Variants in MTSS1 observed in about 807,000 individuals in gnomAD.
The protein encoded by MTSS1 is MTSS I-BAR domain containing 1, also known as protein MTSS 1.
A neutral mutation model predicts 79.0 loss-of-function variants in MTSS1; 18 were observed. That is an observed-to-expected ratio of 0.23 (90% CI 0.16 to 0.34). The LOEUF (loss-of-function observed/expected upper bound fraction) is 0.34. Ranked by LOEUF, MTSS1 falls within the 10% of genes least tolerant of loss-of-function variation. The pLI is 1.00. For synonymous variants in MTSS1, 341 were observed against 368.6 expected (o/e 0.93, Z 0.86); for missense variants, 815 against 986.2 (o/e 0.83, Z 2.33).
chr8:124,559,569 G>C (rs1824829455), intron 10 of MTSS1, among the ~76,000 whole-genome samples: 1 of 152,166 alleles, frequency 6.6e-6, no homozygotes, highest in African/African-American at 2.4e-5. Context: ...ACACTGATCT[G>C]ATGGAACCCC....
chr8:124,670,452 G>A (rs1823939202), intron 3 of MTSS1, among the ~76,000 whole-genome samples: 1 of 148,442 alleles, frequency 6.7e-6, no homozygotes, highest in South Asian at 2.1e-4. Context: ...CACACAGCCT[G>A]GCAGGTATGG....
At chr8:124,726,218 C>T (rs911222624) in intron 1 of MTSS1, among the ~76,000 whole-genome samples, 4 of 152,232 alleles carry the variant, frequency 2.6e-5, no homozygotes, top group Admixed American at 1.3e-4. Context: ...AGGTGGAAAG[C>T]AGGACAGCCC....
intron 3 of MTSS1, among the ~76,000 whole-genome samples, chr8:124,636,163 T>G (rs1367117706): frequency 2.0e-5 from 3 of 152,306 alleles, no homozygotes; most frequent in Non-Finnish European, 2.9e-5. Context: ...GGAGTCTCCC[T>G]CTGTCGCCCA....
rs1312317055 is a variant in MTSS1 at position 124,586,764 on chromosome 8, C to CA, written c.386-1604dup. ...CCACTTAGCAGGTATGCAGGCCGGA[C>CA]AATGGGTCTCAATTCACATTCAGGC... On this transcript the variant is annotated intron_variant, in intron 5 of 13. Coordinates refer to ENST00000518547, the MANE Select transcript of MTSS1 (RefSeq NM_014751.6). 2.0e-5 allele frequency among the ~76,000 whole-genome samples: 3 copies of CA among 152,314 alleles called. No individual in the cohort carries two copies. In the South Asian group the frequency reaches 6.2e-4, roughly 32 times the overall value.
chr8:124,634,590 C>T (rs1816653227), intron 3 of MTSS1, among the ~76,000 whole-genome samples: 1 of 152,166 alleles, frequency 6.6e-6, no homozygotes. Context: ...ATACACTCCT[C>T]ACCCTAAGGG....
intron 1 of MTSS1, among the ~76,000 whole-genome samples, chr8:124,721,602 G>A (rs1832952957): frequency 1.3e-5 from 2 of 151,854 alleles, no homozygotes; most frequent in Non-Finnish European, 2.9e-5. Flanking sequence ...CAGAGATGGG[G>A]TTTCACCATG....
intron 3 of MTSS1, among the ~76,000 whole-genome samples, chr8:124,693,136 G>A (rs1828235109): frequency 6.6e-6 from 1 of 152,114 alleles, no homozygotes. Context: ...GGGAGGGCTG[G>A]AAAGGACATT....
chr8:124,577,890 T>C (rs760146897), intron 6 of MTSS1, among the ~76,000 whole-genome samples: 3 of 152,194 alleles, frequency 2.0e-5, no homozygotes, highest in East Asian at 1.9e-4. Flanking sequence ...GGCAGAGCCA[T>C]TGATCCATTG....
At chr8:124,635,751 C>T (rs1816857231) in intron 3 of MTSS1, among the ~76,000 whole-genome samples, 2 of 152,108 alleles carry the variant, frequency 1.3e-5, no homozygotes, top group African/African-American at 2.4e-5. Flanking sequence ...AGCTGTTATT[C>T]TCTCTGAAGC....
At chr8:124,621,188 A>C (rs182604704) in intron 3 of MTSS1, among the ~76,000 whole-genome samples, 1 of 152,374 alleles carries the variant, frequency 6.6e-6, no homozygotes, top group Non-Finnish European at 1.5e-5. Context: ...TGACCTTTAA[A>C]TGTTGAACCA....
intron 1 of MTSS1, among the ~76,000 whole-genome samples, chr8:124,714,958 C>T (rs1831714837): frequency 6.6e-6 from 1 of 152,230 alleles, no homozygotes; most frequent in South Asian, 2.1e-4. Flanking sequence ...GTCCTCCTAT[C>T]CAGAGGCCAA....
At chr8:124,630,051 G>A (rs1302117297) in intron 3 of MTSS1, among the ~76,000 whole-genome samples, 2 of 152,186 alleles carry the variant, frequency 1.3e-5, no homozygotes, top group African/African-American at 4.8e-5. Flanking sequence ...TACTTCACCT[G>A]CTCCATGGAA....
intron 3 of MTSS1, among the ~76,000 whole-genome samples, chr8:124,669,342 G>A (rs1385392011): frequency 6.6e-6 from 1 of 152,212 alleles, no homozygotes; most frequent in Non-Finnish European, 1.5e-5. Flanking sequence ...GCTAACTCAG[G>A]GGTGAATAAA....
intron 9 of MTSS1, among the ~76,000 whole-genome samples, chr8:124,563,731 C>T (rs1825805208): frequency 6.6e-6 from 1 of 152,204 alleles, no homozygotes. Context: ...CGACTAAGGG[C>T]AATCAATGCT....
In MTSS1 at chr8:124,556,254, A is replaced by G; in HGVS notation, c.1382T>C (p.Met461Thr). The G allele has an allele frequency of 6.2e-7, 1 of 1,614,192 alleles. No homozygotes were observed. The highest frequency in any genetic ancestry group is 1.7e-5 in the Admixed American group (1 of 60,030). Residue 461 changes from methionine to threonine, a missense_variant, in exon 12 of 14, where the codon ATG becomes ACG. Met to Thr is a moderately conservative substitution (Grantham distance 81). This residue lies in a region of MTSS1 where 590 missense variants were observed against 620.8 expected (regional missense o/e 0.95). Transcript: ENST00000518547. Reference protein sequence around the residue: ...AAEEAQRPRSMTVSAATRPGE... With the variant: ...AAEEAQRPRSTTVSAATRPGE... ...CACCCTGGTGGCAGCCGATACAGTC[A>G]TGCTCCGTGGTCTCTGAGCCTCCTC... is the stretch of plus-strand genomic sequence containing the variant.
At chr8:124,556,815 A>G (rs1232207880) in intron 11 of MTSS1, among the ~76,000 whole-genome samples, 1 of 152,226 alleles carries the variant, frequency 6.6e-6, no homozygotes, top group Non-Finnish European at 1.5e-5. Flanking sequence ...AGCGAGCACT[A>G]AAGCAACATC....
chr8:124,622,094 G>GAA lies in MTSS1; in HGVS notation c.209-30860_209-30859insTT, dbSNP rs138107710. On this transcript the variant is annotated intron_variant, in intron 3 of 13. Transcript: ENST00000518547. ...AGAGAGAGAGAGAGAGAGAGAGAGAGAGAATATGAATATATTTTTCAGCCT... is the reference window on the plus strand; with the variant it reads ...AGAGAGAGAGAGAGAGAGAGAGAGAGAAAGAATATGAATATATTTTTCAGCCT... Among the ~76,000 whole-genome samples the GAA allele has an allele frequency of 1.4e-3, 210 of 150,182 alleles. 3 individuals carry two copies. Among genetic ancestry groups the GAA allele is most frequent in the Middle Eastern group, 3.5e-3 (1 of 284 alleles).
In MTSS1 at chr8:124,613,531, T is replaced by G. The variant is rs560050565; in HGVS notation, c.209-22296A>C. 3.3e-5 allele frequency among the ~76,000 whole-genome samples: 5 copies of G among 152,350 alleles called. No homozygotes were observed. The South Asian group carries it at 8.3e-4, about 25-fold the overall frequency. ...GCAAAATGTATTTGAGTTTCCTGTT[T>G]CATGTATCAACTCCTATGCAGAAAT... On this transcript the variant is annotated intron_variant, in intron 3 of 13. Transcript: ENST00000518547.
chr8:124,576,232 T>C (rs557724684), intron 6 of MTSS1, among the ~76,000 whole-genome samples: 3 of 152,220 alleles, frequency 2.0e-5, no homozygotes, highest in Non-Finnish European at 4.4e-5. Context: ...TGCTTTCCTG[T>C]GTTCTGCAAG....
Sources: gnomAD v4.1 joint callset for allele counts (sites outside exome capture counted in the v4.1 genomes callset) on GRCh38, gnomAD v4.1.1 for gene constraint, gnomAD v4.1.1 regional missense constraint, MANE v1.5 for transcripts, NCBI Gene and HGNC (gene_info 2026-07-23, HGNC 2026-07-21) for gene names.